The following STAC variants were observed in gnomAD, a reference collection of about 807,000 sequenced individuals.
STAC encodes the protein SH3 and cysteine-rich domain-containing protein.
In STAC, 43 loss-of-function variants were observed where a neutral mutation model predicts 48.8. The observed-to-expected ratio is 0.88, with a 90% CI of 0.69 to 1.14. The LOEUF is 1.14. Ranked by LOEUF, STAC falls within the 50% of genes most tolerant of loss-of-function variation. STAC has a pLI of 0.00. For synonymous variants in STAC, 193 were observed against 179.5 expected (o/e 1.07, Z -0.60); for missense variants, 497 against 504.0 (o/e 0.99, Z 0.13).
Position 36,509,748 on chromosome 3 carries a change from G to T in STAC, c.920+3914G>T, listed in dbSNP as rs1698490330. 5.3e-5 allele frequency among the ~76,000 whole-genome samples: 8 copies of T among 151,890 alleles called. No homozygotes were observed. In the South Asian group the frequency reaches 1.7e-3, roughly 32 times the overall value. The stretch of plus-strand genomic sequence containing the variant: ...TTAATAAACTGTGTTGGGAAAACTG[G>T]CTAGCCATATGCAGAACACTGAAAC... On this transcript the variant is annotated intron_variant, in intron 8 of 10. Coordinates refer to ENST00000273183, the MANE Select transcript of STAC (RefSeq NM_003149.3).
chr3:36,446,934 G>A (rs890842723), intron 2 of STAC, among the ~76,000 whole-genome samples: 1 of 152,094 alleles, frequency 6.6e-6, no homozygotes, highest in Admixed American at 6.5e-5. Flanking sequence ...GGCATCCATT[G>A]GGGGAAATAA....
rs184972748 is a variant in STAC, at chr3:36,545,094, C to T, written c.1111-1097C>T. ...TCACCAGGTGGGTGCACTCATCTCC[C>T]AGTTGCTATGTTGGCCACGAACAAC... is the stretch of plus-strand genomic sequence containing the variant. On this transcript the variant is annotated intron_variant, in intron 10 of 10. Coordinates refer to ENST00000273183, the MANE Select transcript of STAC (RefSeq NM_003149.3). 2.0e-5 allele frequency among the ~76,000 whole-genome samples: 3 copies of T among 152,292 alleles called. No individual in the cohort carries two copies. In the East Asian group the frequency reaches 5.8e-4, roughly 29 times the overall value.
At chr3:36,515,041 A>G (rs922531852) in intron 8 of STAC, among the ~76,000 whole-genome samples, 2 of 146,666 alleles carry the variant, frequency 1.4e-5, no homozygotes, top group African/African-American at 5.1e-5. Context: ...CTGTCTCCAA[A>G]TAATAATAAT....
intron 1 of STAC, among the ~76,000 whole-genome samples, chr3:36,434,018 G>A (rs1700768607): frequency 6.6e-6 from 1 of 152,212 alleles, no homozygotes; most frequent in Non-Finnish European, 1.5e-5. Flanking sequence ...GGGTAAAACT[G>A]TTGGTGAGAA....
intron 2 of STAC, among the ~76,000 whole-genome samples, chr3:36,479,402 T>C (rs1283091091): frequency 6.6e-6 from 1 of 152,154 alleles, no homozygotes; most frequent in Non-Finnish European, 1.5e-5. Context: ...TCCAAATATA[T>C]GTTAAACTCT....
At chr3:36,451,902 T>C (rs1468076111) in intron 2 of STAC, among the ~76,000 whole-genome samples, 1 of 152,228 alleles carries the variant, frequency 6.6e-6, no homozygotes, top group Non-Finnish European at 1.5e-5. Context: ...GAGCAAATTG[T>C]GATGGATCCC....
intron 1 of STAC, among the ~76,000 whole-genome samples, chr3:36,418,746 A>G (rs1322849102): frequency 6.6e-6 from 1 of 152,028 alleles, no homozygotes; most frequent in Admixed American, 6.6e-5. Context: ...TTCTTCTTAT[A>G]GTTTAAAATA....
chr3:36,405,822 A>C (rs537367001), intron 1 of STAC, among the ~76,000 whole-genome samples: 2 of 152,178 alleles, frequency 1.3e-5, no homozygotes, highest in Non-Finnish European at 2.9e-5. Context: ...CCTGGGCTCA[A>C]GCAATTACTG....
chr3:36,506,722 C>T (rs988311326), intron 8 of STAC, among the ~76,000 whole-genome samples: 3 of 151,980 alleles, frequency 2.0e-5, no homozygotes, highest in Non-Finnish European at 4.4e-5. Flanking sequence ...TGATTTGGCT[C>T]TCTGTTTATT....
intron 2 of STAC, among the ~76,000 whole-genome samples, chr3:36,482,765 G>A (rs538874641): frequency 6.6e-6 from 1 of 152,310 alleles, no homozygotes; most frequent in Non-Finnish European, 1.5e-5. Context: ...TAGAGTTCCT[G>A]GAGTAGTGAA....
At chr3:36,415,415 G>A (rs1316232113) in intron 1 of STAC, among the ~76,000 whole-genome samples, 1 of 152,174 alleles carries the variant, frequency 6.6e-6, no homozygotes, top group Admixed American at 6.5e-5. Flanking sequence ...TTCAATCTCA[G>A]ACTGCTGTGC....
At chr3:36,520,913 C>T (rs997811446) in intron 8 of STAC, among the ~76,000 whole-genome samples, 1 of 152,164 alleles carries the variant, frequency 6.6e-6, no homozygotes, top group Non-Finnish European at 1.5e-5. Context: ...GGTCTATGGA[C>T]TTGGGAAAGT....
chr3:36,500,629 T>C (rs1375944022), intron 6 of STAC, among the ~76,000 whole-genome samples: 1 of 152,196 alleles, frequency 6.6e-6, no homozygotes, highest in Admixed American at 6.5e-5. Flanking sequence ...CATGGAATTA[T>C]TTAAAATACT....
chr3:36,444,817 G>A (rs1306591011), intron 2 of STAC, among the ~76,000 whole-genome samples: 2 of 152,060 alleles, frequency 1.3e-5, no homozygotes, highest in East Asian at 1.9e-4. Flanking sequence ...AAGTCTTGGC[G>A]CTCCCACCCT....
intron 2 of STAC, among the ~76,000 whole-genome samples, chr3:36,456,982 C>G (rs1696872616): frequency 6.6e-6 from 1 of 152,234 alleles, no homozygotes; most frequent in Non-Finnish European, 1.5e-5. Context: ...AAACTGACGT[C>G]ACATTACTGC....
At chr3:36,471,651 G>A (rs907433556) in intron 2 of STAC, among the ~76,000 whole-genome samples, 2 of 152,296 alleles carry the variant, frequency 1.3e-5, no homozygotes, top group South Asian at 2.1e-4. Flanking sequence ...AAGGAGTTAA[G>A]GGCCCATGCA....
chr3:36,438,259 A>C (rs73065728), intron 1 of STAC, among the ~76,000 whole-genome samples: 3,512 of 152,194 alleles, frequency 0.023, 59 homozygotes, highest in East Asian at 0.026. Flanking sequence ...AATGAATGAT[A>C]CCCTATCCAC....
intron 8 of STAC, among the ~76,000 whole-genome samples, chr3:36,521,597 C>T (rs6787556): frequency 0.41 from 61,882 of 151,798 alleles, 12,869 homozygotes; most frequent in East Asian, 0.49. Flanking sequence ...TCCATAGCTC[C>T]GAATCACACC....
intron 1 of STAC, among the ~76,000 whole-genome samples, chr3:36,424,276 T>C (rs73061912): frequency 0.018 from 2,727 of 152,040 alleles, 49 homozygotes; most frequent in Non-Finnish European, 0.025. Context: ...AACAAAACTG[T>C]TCTCTCTTCC....
Sources: allele counts gnomAD v4.1 joint callset (sites outside exome capture counted in the v4.1 genomes callset), GRCh38; gene constraint gnomAD v4.1.1; transcripts MANE v1.5; gene names NCBI Gene and HGNC (gene_info 2026-07-23, HGNC 2026-07-21).